Variants in SLC22A14 observed in about 807,000 individuals in gnomAD.
SLC22A14 encodes organic cation transporter-like 4.
A neutral mutation model predicts 53.9 loss-of-function variants in SLC22A14; 50 were observed. That is an observed-to-expected ratio of 0.93 (90% CI 0.74 to 1.17). The LOEUF is 1.17. Among genes scored for constraint, SLC22A14 ranks in the 50% most tolerant of loss-of-function variants. The pLI, the probability that SLC22A14 is intolerant of heterozygous loss-of-function variation, is 0.00. For synonymous variants in SLC22A14, 312 were observed against 303.0 expected (o/e 1.03, Z -0.31); for missense variants, 671 against 734.7 (o/e 0.91, Z 1.00).
At chr3:38,286,096 G>A (rs986083186) in intron 1 of SLC22A14, among the ~76,000 whole-genome samples, 1 of 152,158 alleles carries the variant, frequency 6.6e-6, no homozygotes, top group African/African-American at 2.4e-5. Flanking sequence ...TACAAAATTA[G>A]CCGGGTGTGG....
intron 7 of SLC22A14, 29 bp from the exon 8 acceptor site, chr3:38,313,698 A>ACGCG: frequency 2.9e-6 from 2 of 680,466 alleles, no homozygotes; most frequent in Non-Finnish European, 4.1e-6. Flanking sequence ...GCGCGTGTGC[A>ACGCG]CGCGCACTTG....
intron 7 of SLC22A14, 44 bp from the exon 8 acceptor site, chr3:38,313,683 T>TGTGTGTGCGTGTGCGC (rs539249729): frequency 2.2e-5 from 16 of 737,118 alleles, no homozygotes; most frequent in African/African-American, 1.6e-4. Flanking sequence ...GCTCCGTGTG[T>TGTGTGTGCGTGTGCGC]GTGCGCGCGT....
intron 1 of SLC22A14, among the ~76,000 whole-genome samples, chr3:38,286,466 G>A (rs1703794994): frequency 6.6e-6 from 1 of 151,016 alleles, no homozygotes; most frequent in Non-Finnish European, 1.5e-5. Context: ...CCAGGCTGGA[G>A]TGCAGTGGCA....
intron 7 of SLC22A14, 76 bp downstream of exon 7, chr3:38,313,561 G>A: frequency 1.7e-6 from 2 of 1,169,590 alleles, no homozygotes; most frequent in South Asian, 1.2e-5. Context: ...GGATGGGAAT[G>A]GTCAGGCTGC....
chr3:38,300,014 C>T (rs1704125436), intron 1 of SLC22A14, among the ~76,000 whole-genome samples: 1 of 152,146 alleles, frequency 6.6e-6, no homozygotes, highest in African/African-American at 2.4e-5. Context: ...GGAAGTGTGT[C>T]TTCGGGATAA....
rs759338756 is a variant in SLC22A14 at position 38,313,895 on chromosome 3, C to T, written c.1332C>T (p.Leu444=). The T allele has an allele frequency of 2.5e-6, 4 of 1,613,910 alleles. No individual in the cohort carries two copies. The East Asian group carries it at 6.7e-5, about 27-fold the overall frequency. The change falls in exon 8 of 11, where the codon CTC becomes CTT. Residue 444 remains leucine, a synonymous_variant. Coordinates refer to ENST00000448498, the MANE Select transcript of SLC22A14 (RefSeq NM_001320033.2). ...IGRKWSLAVT[L]LQAIIWCLLL... ...GGAAGTGGAGCCTGGCTGTGACTCTCCTCCAAGCCATCATCTGGTGCTTGC... is the reference window on the plus strand; with the variant it reads ...GGAAGTGGAGCCTGGCTGTGACTCTTCTCCAAGCCATCATCTGGTGCTTGC...
chr3:38,300,580 A>AAT (rs1381280741), intron 1 of SLC22A14, among the ~76,000 whole-genome samples: 5 of 152,224 alleles, frequency 3.3e-5, no homozygotes, highest in Non-Finnish European at 7.3e-5. Context: ...CAATGAAAGT[A>AAT]CATGGGAAGC....
chr3:38,291,213 G>A (rs539578274), intron 1 of SLC22A14, among the ~76,000 whole-genome samples: 5 of 152,200 alleles, frequency 3.3e-5, no homozygotes, highest in East Asian at 3.9e-4. Flanking sequence ...CCCGCTTTTC[G>A]AAGTCCTTTT....
chr3:38,302,301 C>CATATATATTTATATATATACATATATAT, intron 1 of SLC22A14, among the ~76,000 whole-genome samples: 1 of 129,396 alleles, frequency 7.7e-6, no homozygotes, highest in Non-Finnish European at 1.6e-5. Flanking sequence ...TATATATACA[C>CATATATATTTATATATATACATATATAT]ATATATATTT....
At chr3:38,309,643 A>G (rs1023327662) in intron 5 of SLC22A14, among the ~76,000 whole-genome samples, 1 of 152,110 alleles carries the variant, frequency 6.6e-6, no homozygotes, top group African/African-American at 2.4e-5. Context: ...CAGGAACCTA[A>G]GAGATTAAAG....
chr3:38,296,792 G>A (rs1037542410), intron 1 of SLC22A14, among the ~76,000 whole-genome samples: 9 of 152,146 alleles, frequency 5.9e-5, no homozygotes, highest in African/African-American at 9.7e-5. Flanking sequence ...GGATGAACCC[G>A]GGCACTTAGC....
chr3:38,293,278 C>T (rs1269842399), intron 1 of SLC22A14, among the ~76,000 whole-genome samples: 1 of 152,112 alleles, frequency 6.6e-6, no homozygotes. Context: ...GGAAGCAAGC[C>T]TTATTAGGCA....
upstream of SLC22A14, among the ~76,000 whole-genome samples, chr3:38,281,435 G>A (rs1264542133): frequency 1.3e-5 from 2 of 152,174 alleles, no homozygotes. Flanking sequence ...GGAAGTCCAA[G>A]GTTTAGGGAA....
chr3:38,307,363 T>G lies in SLC22A14; in HGVS notation c.620+6T>G, dbSNP rs768888889. The G allele has an allele frequency of 1.2e-6, 2 of 1,606,158 alleles. No individual in the cohort carries two copies. Among genetic ancestry groups the G allele is most frequent in the East Asian group, 2.2e-5 (1 of 44,826 alleles). Reference sequence around the variant, plus strand: ...TTCAGGCTCATAACTGACAAGTGAGTCCCCGGGAGTTTCTGCTGGTCCCCG... The same window carrying G: ...TTCAGGCTCATAACTGACAAGTGAGGCCCCGGGAGTTTCTGCTGGTCCCCG... On this transcript the variant is annotated splice_donor_region_variant and intron_variant, in intron 3 of 10. Transcript: ENST00000448498. The surrounding 1 kb of genome is among the most constrained non-coding windows in gnomAD (Gnocchi z 4.4).
intron 1 of SLC22A14, among the ~76,000 whole-genome samples, chr3:38,295,742 C>CTCTCCTCTCTG (rs1209795019): frequency 7.5e-6 from 1 of 133,122 alleles, no homozygotes; most frequent in Admixed American, 7.5e-5. Context: ...CTCTCTGTCT[C>CTCTCCTCTCTG]TCTCTCTCCT....
chr3:38,312,869 C>A, intron 5 of SLC22A14, 130 bp from the exon 6 acceptor site: 2 of 1,231,014 alleles, frequency 1.6e-6, no homozygotes, highest in Non-Finnish European at 2.3e-6. Context: ...TCAGTGGTGG[C>A]CTTCAAGGCC....
At position 38,307,850 on chromosome 3, in the gene SLC22A14, T is replaced by C. The variant is rs983010003; in HGVS notation, c.775+130T>C. ...ATGGCAAGGGGGCGTGGTGTAGCTGTAAGAGGGCATGGCGGGGGTGTGGCA... is the reference window on the plus strand; with the variant it reads ...ATGGCAAGGGGGCGTGGTGTAGCTGCAAGAGGGCATGGCGGGGGTGTGGCA... On this transcript the variant is annotated intron_variant, in intron 4 of 10. Coordinates refer to ENST00000448498, the MANE Select transcript of SLC22A14 (RefSeq NM_001320033.2). The surrounding 1 kb of genome is among the most constrained non-coding windows in gnomAD (Gnocchi z 4.4). 2.4e-5 allele frequency: 24 copies of C among 992,992 alleles called. No individual in the cohort carries two copies. The African/African-American group carries it at 3.7e-4, about 15-fold the overall frequency. 61.5% of individuals were successfully genotyped at this position (992,992 alleles called of 1,614,324 possible).
chr3:38,295,908 T>C (rs1474505333), intron 1 of SLC22A14, among the ~76,000 whole-genome samples: 1 of 151,528 alleles, frequency 6.6e-6, no homozygotes, highest in East Asian at 1.9e-4. Flanking sequence ...CTGCCCATGT[T>C]GAGAGCTATA....
chr3:38,305,949 T>C lies in SLC22A14; in HGVS notation c.1-78T>C, dbSNP rs1436843846. 3 of 1,437,094 alleles carry C rather than the reference T, an allele frequency of 2.1e-6. No individual in the cohort carries two copies. The East Asian group carries it at 6.9e-5, about 33-fold the overall frequency. 89.0% of individuals were successfully genotyped at this position (1,437,094 alleles called of 1,614,324 possible). ...CTTCAAGCCAGAGGCCAGTTCCTAGTCGGTGGCTCCCATGCTGGTCTCTGA... is the reference window on the plus strand; with the variant it reads ...CTTCAAGCCAGAGGCCAGTTCCTAGCCGGTGGCTCCCATGCTGGTCTCTGA... On this transcript the variant is annotated intron_variant, in intron 1 of 10. Transcript: ENST00000448498.
Sources: gnomAD v4.1 joint callset for allele counts (sites outside exome capture counted in the v4.1 genomes callset) on GRCh38, gnomAD v4.1.1 for gene constraint, Gnocchi (gnomAD v3.1) non-coding constraint, MANE v1.5 for transcripts, NCBI Gene and HGNC (gene_info 2026-07-23, HGNC 2026-07-21) for gene names.